Variants in CPQ observed in about 807,000 individuals in gnomAD.
CPQ encodes the protein Ser-Met dipeptidase.
Under a neutral mutation model 45.7 loss-of-function variants are expected in CPQ, and 37 were observed. The observed-to-expected ratio is 0.81, with a 90% confidence interval of 0.62 to 1.07. The LOEUF is 1.07. Among genes scored for constraint, CPQ ranks in the 50% least tolerant of loss-of-function variants. The pLI is 0.00. For missense variants in CPQ, 537 were observed against 572.9 expected, an observed-to-expected ratio of 0.94 and a Z score of 0.64; for synonymous variants, 186 against 205.8, an observed-to-expected ratio of 0.90 and a Z score of 0.82.
intron 7 of CPQ, among the ~76,000 whole-genome samples, chr8:97,138,246 CA>C (rs1812097566): frequency 1.3e-5 from 2 of 152,182 alleles, no homozygotes; most frequent in Non-Finnish European, 2.9e-5. Context: ...CAGTGTCAAC[CA>C]AACTGGAACG....
intron 5 of CPQ, among the ~76,000 whole-genome samples, chr8:97,001,387 A>G (rs1809277299): frequency 6.6e-6 from 1 of 152,194 alleles, no homozygotes; most frequent in Admixed American, 6.6e-5. Flanking sequence ...GGTTTGCCAT[A>G]TATGGCTCTT....
Position 97,134,003 on chromosome 8 carries a change from C to T in CPQ, c.1256-9017C>T, listed in dbSNP as rs190033861. On this transcript the variant is annotated intron_variant, in intron 7 of 7. Transcript: ENST00000220763. ...CTCAACTTGTATACTGCTATATGTT[C>T]ACATGGTTTTGGTAAGGAGAACTGA... Among the ~76,000 whole-genome samples, 445 of 152,276 alleles carry T rather than the reference C, an allele frequency of 2.9e-3. 2 individuals are homozygous for T. Among genetic ancestry groups the T allele is most frequent in the African/African-American group, 0.01 (417 of 41,540 alleles).
At chr8:96,798,320 A>G (rs530247751) in intron 2 of CPQ, among the ~76,000 whole-genome samples, 1 of 151,456 alleles carries the variant, frequency 6.6e-6, no homozygotes, top group South Asian at 2.1e-4. Flanking sequence ...TTTAATAAAG[A>G]TGAGGTCTTA....
At chr8:96,943,382 A>C (rs1813148907) in intron 4 of CPQ, among the ~76,000 whole-genome samples, 1 of 152,216 alleles carries the variant, frequency 6.6e-6, no homozygotes, top group South Asian at 2.1e-4. Context: ...TTTTCATACA[A>C]TCCATAGATA....
At chr8:97,044,896 TG>T (rs1176180570) in intron 6 of CPQ, among the ~76,000 whole-genome samples, 1 of 152,140 alleles carries the variant, frequency 6.6e-6, no homozygotes. Context: ...CTGCCCCTAC[TG>T]GGGGGTGCCT....
intron 3 of CPQ, among the ~76,000 whole-genome samples, chr8:96,873,602 T>C (rs1251791012): frequency 6.6e-6 from 1 of 151,770 alleles, no homozygotes; most frequent in African/African-American, 2.4e-5. Context: ...ATAAGTGCTC[T>C]TTTAATTAGA....
At chr8:97,043,261 G>C (rs1318747623) in intron 6 of CPQ, among the ~76,000 whole-genome samples, 3 of 151,708 alleles carry the variant, frequency 2.0e-5, no homozygotes, top group East Asian at 3.9e-4. Flanking sequence ...TGTCTCTTTT[G>C]ATCTTTGTTG....
At chr8:97,019,610 A>G (rs1383980379) in intron 5 of CPQ, among the ~76,000 whole-genome samples, 1 of 152,202 alleles carries the variant, frequency 6.6e-6, no homozygotes, top group Non-Finnish European at 1.5e-5. Context: ...TTAAGGCTCT[A>G]GCAGTTAAAA....
chr8:96,666,403 A>C (rs577069011), intron 1 of CPQ, among the ~76,000 whole-genome samples: 7 of 152,298 alleles, frequency 4.6e-5, no homozygotes, highest in Admixed American at 4.6e-4. Flanking sequence ...AAATAAGAGA[A>C]TATAGTTAAT....
chr8:96,927,117 A>T (rs28442008), intron 4 of CPQ, among the ~76,000 whole-genome samples: 15,376 of 152,276 alleles, frequency 0.1, 1,590 homozygotes, highest in African/African-American at 0.27. Context: ...TTTAAATATG[A>T]CATACTTTCA....
chr8:96,825,307 G>A (rs939709330), intron 2 of CPQ, among the ~76,000 whole-genome samples: 1 of 152,042 alleles, frequency 6.6e-6, no homozygotes, highest in Admixed American at 6.6e-5. Context: ...TAGTTAGGAT[G>A]TAAGGTATAG....
chr8:96,898,145 C>A (rs1563523804), intron 4 of CPQ, among the ~76,000 whole-genome samples: 1 of 152,110 alleles, frequency 6.6e-6, no homozygotes, highest in Admixed American at 6.6e-5. Flanking sequence ...CTCCTAAGAA[C>A]TGGAATCTTG....
chr8:96,965,212 C>A (rs1432144812), intron 4 of CPQ, among the ~76,000 whole-genome samples: 1 of 151,818 alleles, frequency 6.6e-6, no homozygotes, highest in Non-Finnish European at 1.5e-5. Context: ...TTCTCATTTT[C>A]TCATTTAAAT....
chr8:97,134,107 A>G (rs1434439744), intron 7 of CPQ, among the ~76,000 whole-genome samples: 1 of 152,220 alleles, frequency 6.6e-6, no homozygotes, highest in Admixed American at 6.5e-5. Flanking sequence ...GCTGTAGAAA[A>G]GGAGGATGGA....
intron 4 of CPQ, among the ~76,000 whole-genome samples, chr8:96,926,379 A>C (rs1812873799): frequency 6.6e-6 from 1 of 152,104 alleles, no homozygotes; most frequent in Admixed American, 6.5e-5. Flanking sequence ...GGAGTGAGGG[A>C]ATCTTTCTAA....
chr8:96,963,345 G>A (rs912564931), intron 4 of CPQ, among the ~76,000 whole-genome samples: 1 of 152,166 alleles, frequency 6.6e-6, no homozygotes, highest in Non-Finnish European at 1.5e-5. Flanking sequence ...TCCTGCTATT[G>A]CAACATGAAT....
Position 96,835,139 on chromosome 8 carries a change from G to T in CPQ, c.600G>T (p.Leu200Phe). ...TGGAAGCTGCCAAGGTGGGGGCTTT[G>T]GCATCTCTCATTCGATCCGTGGCCT... is the stretch of plus-strand genomic sequence containing the variant. ...GAVEAAKVGA[L>F]ASLIRSVASF... The change falls in exon 3 of 8, where the codon TTG becomes TTT. Residue 200 changes from leucine (L) to phenylalanine (F), a missense_variant. Leu to Phe is a conservative substitution (Grantham distance 22). Coordinates refer to ENST00000220763, the MANE Select transcript of CPQ (RefSeq NM_016134.4). The T allele has an allele frequency of 6.4e-7, 1 of 1,566,242 alleles. No homozygotes were observed. The highest frequency in any genetic ancestry group is 1.2e-5 in the South Asian group (1 of 85,590).
Position 96,892,577 on chromosome 8 carries a change from A to G in CPQ, c.849+12572A>G, listed in dbSNP as rs544551548. 9.3e-4 allele frequency among the ~76,000 whole-genome samples: 142 copies of G among 152,200 alleles called. 1 individual carries two copies. The highest frequency in any genetic ancestry group is 3.3e-3 in the African/African-American group (136 of 41,552). On this transcript the variant is annotated intron_variant, in intron 4 of 7. Transcript: ENST00000220763. ...CAAATTCATTCTTTTTTTCTTTCTT[A>G]TTATAAACTTTTTATGGCTTAGAAC...
rs576182099 is a variant in CPQ at position 96,790,204 on chromosome 8, C to T, written c.433+4874C>T. ...ATGGAGCTCTTCATCCTTATGGCTT[C>T]TCTCTTCCCCCAGGAGAACATTCGT... On this transcript the variant is annotated intron_variant, in intron 2 of 7. Coordinates refer to ENST00000220763, the MANE Select transcript of CPQ (RefSeq NM_016134.4). 4.4e-3 allele frequency among the ~76,000 whole-genome samples: 667 copies of T among 152,268 alleles called. 4 individuals carry two copies. The highest frequency in any genetic ancestry group is 0.024 in the South Asian group (117 of 4,816).
Sources: allele counts gnomAD v4.1 joint callset (sites outside exome capture counted in the v4.1 genomes callset), GRCh38; gene constraint gnomAD v4.1.1; transcripts MANE v1.5; gene names NCBI Gene and HGNC (gene_info 2026-07-23, HGNC 2026-07-21).